MAN1C1: variants seen among roughly 807,000 people sequenced by gnomAD.
The protein encoded by MAN1C1 is mannosidase alpha class 1C member 1.
MAN1C1 carries 49 observed loss-of-function variants against 71.5 expected under a neutral mutation model. The ratio of observed to expected loss-of-function variants is 0.69; its 90% CI spans 0.54 to 0.87. The LOEUF is 0.87. MAN1C1 is among the 40% of genes least tolerant of loss of function. MAN1C1 has a pLI of 0.00. For missense variants in MAN1C1, 743 were observed against 835.0 expected, an observed-to-expected ratio of 0.89 and a Z score of 1.36; for synonymous variants, 352 against 343.7, an observed-to-expected ratio of 1.02 and a Z score of -0.27.
intron 5 of MAN1C1, among the ~76,000 whole-genome samples, chr1:25,758,130 T>C (rs781415247): frequency 6.6e-6 from 1 of 152,136 alleles, no homozygotes; most frequent in Non-Finnish European, 1.5e-5. Context: ...CTGCTTTTCA[T>C]TGGTCCCATT....
At chr1:25,655,340 C>G (rs1410866963) in intron 1 of MAN1C1, among the ~76,000 whole-genome samples, 10 of 152,318 alleles carry the variant, frequency 6.6e-5, no homozygotes, top group East Asian at 3.9e-4. Context: ...ACTGCTCTTC[C>G]AGGGTTAAAG....
intron 1 of MAN1C1, among the ~76,000 whole-genome samples, chr1:25,671,619 G>A (rs1400227207): frequency 2.0e-5 from 3 of 152,188 alleles, no homozygotes; most frequent in Non-Finnish European, 4.4e-5. Context: ...ATGTGCTGTG[G>A]TGGAATGGAA....
At chr1:25,717,923 C>T (rs2046704472) in intron 2 of MAN1C1, among the ~76,000 whole-genome samples, 1 of 152,144 alleles carries the variant, frequency 6.6e-6, no homozygotes, top group African/African-American at 2.4e-5. Flanking sequence ...TCCTCACCAA[C>T]ACTTGGTAAA....
rs181777290 is a variant in MAN1C1, at chr1:25,747,796, C to G, written c.753+1013C>G. Reference sequence around the variant, plus strand: ...CTGAGCCTTAGATTCCTCAACTATACAATGAGAATGATGACAACAGCAACA... The same window carrying G: ...CTGAGCCTTAGATTCCTCAACTATAGAATGAGAATGATGACAACAGCAACA... On this transcript the variant is annotated intron_variant, in intron 3 of 11. Coordinates refer to ENST00000374332, the MANE Select transcript of MAN1C1 (RefSeq NM_020379.4). 1.2e-4 allele frequency among the ~76,000 whole-genome samples: 19 copies of G among 152,310 alleles called. No individual in the cohort carries two copies. In the South Asian group the frequency reaches 2.7e-3, roughly 22 times the overall value.
Position 25,763,886 on chromosome 1 carries a change from C to A in MAN1C1, c.1060C>A (p.Arg354Ser). ...QVFAEKVRNI[R>S]KVLRKIEKPF... is the part of the protein sequence containing the mutation. ...CGTCTCTCGGCAGGTCAGGAACATC[C>A]GCAAGGTCCTCAGGAAGATCGAAAA... The change falls in exon 7 of 12, where the codon CGC (arginine) becomes AGC (serine). Residue 354 changes from arginine to serine, a missense_variant. Coordinates refer to ENST00000374332, the MANE Select transcript of MAN1C1 (RefSeq NM_020379.4). The A allele has an allele frequency of 6.2e-7, 1 of 1,613,844 alleles. No homozygotes were observed. Among genetic ancestry groups the A allele is most frequent in the Non-Finnish European group, 8.5e-7 (1 of 1,179,976 alleles).
At chr1:25,708,129 T>C (rs1484251225) in intron 2 of MAN1C1, among the ~76,000 whole-genome samples, 1 of 152,222 alleles carries the variant, frequency 6.6e-6, no homozygotes, top group African/African-American at 2.4e-5. Context: ...GGCTACTCCA[T>C]AGGCAGAACA....
At chr1:25,621,270 T>C (rs1288534064) in intron 1 of MAN1C1, among the ~76,000 whole-genome samples, 2 of 152,180 alleles carry the variant, frequency 1.3e-5, no homozygotes, top group Non-Finnish European at 1.5e-5. Context: ...GGGGTCGTGA[T>C]GTTCACTGCT....
chr1:25,684,234 C>A (rs1281402805), intron 1 of MAN1C1, among the ~76,000 whole-genome samples: 1 of 152,080 alleles, frequency 6.6e-6, no homozygotes, highest in Non-Finnish European at 1.5e-5. Flanking sequence ...TAATAGAGCC[C>A]TCAGATAAGA....
intron 1 of MAN1C1, among the ~76,000 whole-genome samples, chr1:25,642,204 C>T (rs2045547206): frequency 6.6e-6 from 1 of 152,228 alleles, no homozygotes; most frequent in Non-Finnish European, 1.5e-5. Flanking sequence ...CTGCTATTCT[C>T]ATTAGCTAAG....
intron 2 of MAN1C1, among the ~76,000 whole-genome samples, chr1:25,705,637 T>C (rs2124231454): frequency 6.6e-6 from 1 of 152,368 alleles, no homozygotes; most frequent in African/African-American, 2.4e-5. Context: ...CACGTGCCAC[T>C]CTGCTAAGGG....
chr1:25,754,004 A>G (rs964611905), intron 5 of MAN1C1, among the ~76,000 whole-genome samples: 4 of 152,120 alleles, frequency 2.6e-5, no homozygotes, highest in Non-Finnish European at 5.9e-5. Flanking sequence ...GCCAGCAGGC[A>G]CATCACACCA....
intron 2 of MAN1C1, among the ~76,000 whole-genome samples, chr1:25,744,230 G>A (rs1166576779): frequency 6.6e-6 from 1 of 152,162 alleles, no homozygotes; most frequent in East Asian, 1.9e-4. Flanking sequence ...GCTCCTCAGT[G>A]CCTCCCTGCT....
intron 1 of MAN1C1, among the ~76,000 whole-genome samples, chr1:25,664,112 A>G (rs1336635796): frequency 6.6e-6 from 1 of 152,180 alleles, no homozygotes; most frequent in Non-Finnish European, 1.5e-5. Context: ...TATTCTGGGT[A>G]GAGGGGCCCA....
Position 25,783,628 on chromosome 1 carries a change from CTG to C in MAN1C1, c.1767-31_1767-30del, listed in dbSNP as rs779350004. ...CCTTCTTCCCCAGGCCACTGACAGA[CTG>C]TGTCTTGCTTCCCTGCCCTGCGTGG... On this transcript the variant is annotated intron_variant, in intron 11 of 11. Coordinates refer to ENST00000374332, the MANE Select transcript of MAN1C1 (RefSeq NM_020379.4). The C allele has an allele frequency of 1.4e-5, 23 of 1,605,096 alleles. No individual in the cohort carries two copies. In the African/African-American group the frequency reaches 1.9e-4, roughly 13 times the overall value.
chr1:25,708,225 AG>A (rs1404068049), intron 2 of MAN1C1, among the ~76,000 whole-genome samples: 1 of 152,220 alleles, frequency 6.6e-6, no homozygotes, highest in East Asian at 1.9e-4. Context: ...TGAGTTTTCC[AG>A]GGAAGGGGTG....
At chr1:25,759,999 C>T (rs955718293) in intron 6 of MAN1C1, 10 of 152,246 alleles carry the variant, frequency 6.6e-5, no homozygotes, top group African/African-American at 2.4e-4. Flanking sequence ...CCTGGTAGCT[C>T]TTATTTTCTG....
chr1:25,743,787 C>T (rs1297277352), intron 2 of MAN1C1, among the ~76,000 whole-genome samples: 3 of 152,208 alleles, frequency 2.0e-5, no homozygotes, highest in Non-Finnish European at 2.9e-5. Context: ...GAGCTCAAGG[C>T]AGGATTCAGA....
chr1:25,623,457 G>A lies in MAN1C1; in HGVS notation c.540+5120G>A, dbSNP rs369872011. 3.7e-4 allele frequency among the ~76,000 whole-genome samples: 42 copies of A among 113,336 alleles called. No homozygotes were observed. In the Middle Eastern group the frequency reaches 0.016, roughly 42 times the overall value. 74.4% of individuals were successfully genotyped at this position (113,336 alleles called of 152,430 possible). On this transcript the variant is annotated intron_variant, in intron 1 of 11. Transcript: ENST00000374332. Reference sequence around the variant, plus strand: ...TTCACAGTATAGTTAGTGGTGGTGGGGGGGGGTAAGAATATAGATTCCCCT... The same window carrying A: ...TTCACAGTATAGTTAGTGGTGGTGGAGGGGGGTAAGAATATAGATTCCCCT...
At chr1:25,656,057 T>G (rs2045759720) in intron 1 of MAN1C1, among the ~76,000 whole-genome samples, 1 of 149,602 alleles carries the variant, frequency 6.7e-6, no homozygotes, top group Non-Finnish European at 1.5e-5. Flanking sequence ...GGACTAGCAG[T>G]CCAAAGCTGA....
Sources: gnomAD v4.1 joint callset for allele counts (sites outside exome capture counted in the v4.1 genomes callset) on GRCh38, gnomAD v4.1.1 for gene constraint, MANE v1.5 for transcripts, NCBI Gene and HGNC (gene_info 2026-07-23, HGNC 2026-07-21) for gene names.